Variants in COG5 observed in about 807,000 individuals in gnomAD.
COG5 encodes the protein conserved oligomeric Golgi complex subunit 5.
A neutral mutation model predicts 110.4 loss-of-function variants in COG5; 86 were observed. That is an observed-to-expected ratio of 0.78 (90% CI 0.65 to 0.93). COG5 has a LOEUF of 0.93. Ranked by LOEUF, COG5 falls within the 40% of genes least tolerant of loss-of-function variation. The probability of loss-of-function intolerance (pLI) is 0.00; values close to 1 mark genes in which losing one functional copy is unlikely to be tolerated. For synonymous variants in COG5, 360 were observed against 334.6 expected (o/e 1.08, Z -0.83); for missense variants, 1,077 against 987.0 (o/e 1.09, Z -1.22).
At chr7:107,503,249 T>C (rs1213229927) in intron 6 of COG5, among the ~76,000 whole-genome samples, 1 of 152,182 alleles carries the variant, frequency 6.6e-6, no homozygotes, top group Non-Finnish European at 1.5e-5. Flanking sequence ...ATTTATTTAA[T>C]AGGGTGTTCT....
At chr7:107,326,571 C>T (rs1469634997) in intron 10 of COG5, among the ~76,000 whole-genome samples, 1 of 151,966 alleles carries the variant, frequency 6.6e-6, no homozygotes, top group Non-Finnish European at 1.5e-5. Context: ...CAAAAGAATA[C>T]TTAAGAATAA....
At chr7:107,367,108 A>G (rs1034855363) in intron 8 of COG5, among the ~76,000 whole-genome samples, 1 of 152,038 alleles carries the variant, frequency 6.6e-6, no homozygotes, top group African/African-American at 2.4e-5. Flanking sequence ...TCATTTTCCA[A>G]TTCAGTGGGG....
intron 7 of COG5, among the ~76,000 whole-genome samples, chr7:107,397,300 T>C (rs1791085935): frequency 6.6e-6 from 1 of 152,178 alleles, no homozygotes; most frequent in Admixed American, 6.5e-5. Flanking sequence ...ATGACAGCTA[T>C]CTTGTGACCA....
chr7:107,462,222 G>C (rs1796035044), intron 6 of COG5, among the ~76,000 whole-genome samples: 1 of 152,138 alleles, frequency 6.6e-6, no homozygotes. Context: ...ACACCAGTAA[G>C]AATAATTCAG....
intron 5 of COG5, among the ~76,000 whole-genome samples, chr7:107,538,168 T>C (rs935794423): frequency 1.3e-5 from 2 of 152,102 alleles, no homozygotes; most frequent in African/African-American, 4.8e-5. Context: ...TAACCACATG[T>C]ACAGTAAAGA....
chr7:107,475,626 AT>A (rs1796928686), intron 6 of COG5: 1 of 308,714 alleles, frequency 3.2e-6, no homozygotes, highest in African/African-American at 2.2e-5. Flanking sequence ...TGTAAGTCAT[AT>A]TTTTTAAGGA....
chr7:107,319,629 T>C (rs1357297799), intron 11 of COG5, among the ~76,000 whole-genome samples: 1 of 152,232 alleles, frequency 6.6e-6, no homozygotes, highest in Non-Finnish European at 1.5e-5. Flanking sequence ...TTCTAGTTTA[T>C]AATGGGAGAA....
At chr7:107,401,356 A>C (rs1791409965) in intron 7 of COG5, among the ~76,000 whole-genome samples, 1 of 152,186 alleles carries the variant, frequency 6.6e-6, no homozygotes, top group Admixed American at 6.5e-5. Flanking sequence ...AACTATTATT[A>C]ATAATGATAT....
intron 21 of COG5, among the ~76,000 whole-genome samples, chr7:107,204,159 G>A (rs1798575525): frequency 6.6e-6 from 1 of 152,230 alleles, no homozygotes; most frequent in South Asian, 2.1e-4. Context: ...CAAAATACAT[G>A]ATCGGGAAGC....
In COG5 at chr7:107,230,319, T is replaced by G. The variant is rs529167267; in HGVS notation, c.2168+296A>C. 9.3e-4 allele frequency among the ~76,000 whole-genome samples: 142 copies of G among 152,220 alleles called. 4 individuals are homozygous for G. The South Asian group carries it at 0.029, about 32-fold the overall frequency. The stretch of plus-strand genomic sequence containing the variant: ...TATGAATTGCCTAGTATTACATTTC[T>G]ATAAGAATCGGAAGCTAAAAATAAA... On this transcript the variant is annotated intron_variant, in intron 19 of 21. Transcript: ENST00000297135.
At chr7:107,462,447 C>T (rs1325368826) in intron 6 of COG5, among the ~76,000 whole-genome samples, 1 of 151,920 alleles carries the variant, frequency 6.6e-6, no homozygotes, top group Non-Finnish European at 1.5e-5. Context: ...AAGCATGAAG[C>T]CACTGAGGGA....
At chr7:107,456,663 T>C (rs1050024847) in intron 6 of COG5, among the ~76,000 whole-genome samples, 1 of 152,180 alleles carries the variant, frequency 6.6e-6, no homozygotes, top group Non-Finnish European at 1.5e-5. Context: ...AAATTCTATA[T>C]AGGGACTCTT....
chr7:107,469,038 A>T (rs1256405187), intron 6 of COG5, among the ~76,000 whole-genome samples: 3 of 149,914 alleles, frequency 2.0e-5, no homozygotes, highest in Admixed American at 1.3e-4. Context: ...TTAATTTAAA[A>T]TTTTTAATTT....
chr7:107,559,881 T>C (rs565666747), intron 1 of COG5, among the ~76,000 whole-genome samples: 1 of 152,332 alleles, frequency 6.6e-6, no homozygotes, highest in African/African-American at 2.4e-5. Flanking sequence ...CACATGTATA[T>C]TGGACAGAAA....
At chr7:107,462,273 C>T (rs1363100852) in intron 6 of COG5, among the ~76,000 whole-genome samples, 2 of 152,102 alleles carry the variant, frequency 1.3e-5, no homozygotes, top group Non-Finnish European at 2.9e-5. Context: ...AGTGTGTGTT[C>T]ACAAGAAAAT....
At chr7:107,461,093 G>C (rs1795963454) in intron 6 of COG5, among the ~76,000 whole-genome samples, 1 of 151,954 alleles carries the variant, frequency 6.6e-6, no homozygotes, top group Non-Finnish European at 1.5e-5. Flanking sequence ...CAACTCACTG[G>C]AGTCCAGCAT....
intron 17 of COG5, among the ~76,000 whole-genome samples, chr7:107,241,359 T>C (rs1380358720): frequency 6.6e-6 from 1 of 151,030 alleles, no homozygotes; most frequent in African/African-American, 2.4e-5. Context: ...TATAGTTTTT[T>C]TTTCGGTAGA....
At chr7:107,431,810 C>T (rs1202693796) in intron 6 of COG5, among the ~76,000 whole-genome samples, 1 of 152,078 alleles carries the variant, frequency 6.6e-6, no homozygotes, top group African/African-American at 2.4e-5. Context: ...CATGCACCAC[C>T]ACACCTAGCT....
intron 2 of COG5, among the ~76,000 whole-genome samples, chr7:107,556,773 C>CTT (rs776813038): frequency 2.8e-5 from 4 of 144,740 alleles, no homozygotes; most frequent in Admixed American, 1.4e-4. Flanking sequence ...TGTTTTCTTT[C>CTT]TTTTTTTTTT....
Sources: allele counts gnomAD v4.1 joint callset (sites outside exome capture counted in the v4.1 genomes callset), GRCh38; gene constraint gnomAD v4.1.1; transcripts MANE v1.5; gene names NCBI Gene and HGNC (gene_info 2026-07-23, HGNC 2026-07-21).